The following CCDC85C variants were observed in gnomAD, a reference collection of about 807,000 sequenced individuals.
CCDC85C encodes coiled-coil domain containing 85C.
CCDC85C carries 18 observed loss-of-function variants against 38.3 expected under a neutral mutation model. That is an observed-to-expected ratio of 0.47 (90% CI 0.33 to 0.70). The LOEUF (loss-of-function observed/expected upper bound fraction) is 0.70, where lower values mean the gene tolerates loss of function less well. CCDC85C is among the 30% of genes least tolerant of loss of function. The probability of loss-of-function intolerance (pLI) is 0.03; values close to 1 mark genes in which losing one functional copy is unlikely to be tolerated. For synonymous variants in CCDC85C, 264 were observed against 293.8 expected, an observed-to-expected ratio of 0.90 and a Z score of 1.04; for missense variants, 566 against 621.2, an observed-to-expected ratio of 0.91 and a Z score of 0.94.
rs1386912060 is a variant in CCDC85C, at chr14:99,513,599, T to C, written c.*1647A>G. 6.6e-6 allele frequency: 1 copy of C among 152,250 alleles called. No individual in the cohort carries two copies. The highest frequency in any genetic ancestry group is 2.4e-5 in the African/African-American group (1 of 41,448). 9.4% of individuals were successfully genotyped at this position (152,250 alleles called of 1,614,324 possible). On this transcript the variant is annotated 3_prime_UTR_variant, in exon 6 of 6. Coordinates refer to ENST00000380243, the MANE Select transcript of CCDC85C (RefSeq NM_001144995.2). ...AACTGCTCAGAATAGAGCCGCCAGC[T>C]AGGGAGAGGGACAGGGCGGCCATCT...
At chr14:99,594,764 C>G (rs896856640) in intron 1 of CCDC85C, among the ~76,000 whole-genome samples, 2 of 152,088 alleles carry the variant, frequency 1.3e-5, no homozygotes, top group African/African-American at 4.8e-5. Flanking sequence ...GAGGCACAGA[C>G]TTACACATGG....
Position 99,603,512 on chromosome 14 carries a change from G to C in CCDC85C, c.448C>G (p.Leu150Val), listed in dbSNP as rs768624217. The C allele has an allele frequency of 3.0e-6, 4 of 1,334,282 alleles. No individual in the cohort carries two copies. In the South Asian group the frequency reaches 7.9e-5, roughly 26 times the overall value. 82.7% of individuals were successfully genotyped at this position (1,334,282 alleles called of 1,614,324 possible). Residue 150 changes from leucine to valine, a missense_variant, in exon 1 of 6, where the codon CTG (leucine) becomes GTG (valine). By Grantham distance (32) the Leu-to-Val change is conservative. This residue lies in a region of CCDC85C where 269 missense variants were observed against 308.2 expected (regional missense o/e 0.87). Coordinates refer to ENST00000380243, the MANE Select transcript of CCDC85C (RefSeq NM_001144995.2). The surrounding 1 kb of genome is among the most constrained non-coding windows in gnomAD (Gnocchi z 7.5). ...AGTGCCGCGCGCTCCTCGTCCAGCA[G>C]CAGCACCAGCTCCTTGAGCTCCAGG... ...ENLELKELVL[L>V]LDEERAALAA...
chr14:99,535,774 C>T lies in CCDC85C; in HGVS notation c.867+241G>A, dbSNP rs963833554. On this transcript the variant is annotated intron_variant, in intron 2 of 5. Transcript: ENST00000380243. The surrounding 1 kb of genome is among the most constrained non-coding windows in gnomAD (Gnocchi z 5.5). ...TGGGTGTTGTCCACCCTCTCAGGCC[C>T]TGGGCCAGCCCTGAGGAGCTCGCAT... Among the ~76,000 whole-genome samples, 1 of 152,186 alleles carries T rather than the reference C, an allele frequency of 6.6e-6. No homozygotes were observed. The highest frequency in any genetic ancestry group is 2.4e-5 in the African/African-American group (1 of 41,440).
intron 1 of CCDC85C, among the ~76,000 whole-genome samples, chr14:99,580,473 AG>A (rs1226131303): frequency 2.6e-4 from 3 of 11,358 alleles, no homozygotes; most frequent in East Asian, 2.1e-3. Flanking sequence ...CAGTGAGGGG[AG>A]GGGGGGAAGG....
At chr14:99,517,763 A>AGGGGACCC (rs1897249560) in intron 3 of CCDC85C, among the ~76,000 whole-genome samples, 1 of 152,274 alleles carries the variant, frequency 6.6e-6, no homozygotes, top group East Asian at 1.9e-4. Context: ...CCTCTGTCAG[A>AGGGGACCC]AGCTGCGTGT....
intron 2 of CCDC85C, among the ~76,000 whole-genome samples, chr14:99,534,363 A>T (rs112050718): frequency 0.015 from 2,346 of 152,128 alleles, 61 homozygotes; most frequent in African/African-American, 0.054. Flanking sequence ...TCTCAAAAAA[A>T]AAAAAAGAAA....
chr14:99,534,064 A>G (rs1380146106), intron 2 of CCDC85C, among the ~76,000 whole-genome samples: 1 of 152,158 alleles, frequency 6.6e-6, no homozygotes, highest in Non-Finnish European at 1.5e-5. Flanking sequence ...TCATAGAAAT[A>G]ACACTGCAGG....
At position 99,516,159 on chromosome 14, in the gene CCDC85C, C is replaced by A; in HGVS notation, c.1170+29G>T. 1 of 1,532,618 alleles carries A rather than the reference C, an allele frequency of 6.5e-7. No individual in the cohort carries two copies. Among genetic ancestry groups the A allele is most frequent in the Non-Finnish European group, 8.8e-7 (1 of 1,130,382 alleles). The allele number at this position is 1,532,618 out of a possible 1,614,324, so 94.9% of individuals were successfully genotyped here. ...CCCTGGTCGCACTCCCAGTGCCAAGCCTCTGCCCCCCACCCCTGGAAGCCT... is the reference window on the plus strand; with the variant it reads ...CCCTGGTCGCACTCCCAGTGCCAAGACTCTGCCCCCCACCCCTGGAAGCCT... On this transcript the variant is annotated intron_variant, in intron 5 of 5. Transcript: ENST00000380243. This position sits in a 1 kb window ranked among gnomAD's most constrained non-coding sequence, Gnocchi z 5.5.
chr14:99,551,274 C>T (rs1267275714), intron 1 of CCDC85C, among the ~76,000 whole-genome samples: 2 of 152,164 alleles, frequency 1.3e-5, no homozygotes, highest in Admixed American at 6.5e-5. Context: ...CACCAGTATG[C>T]GCATCCTGCC....
rs1897143155 is a variant in CCDC85C at position 99,512,051 on chromosome 14, C to G, written c.*3195G>C. 1 of 152,230 alleles carries G rather than the reference C, an allele frequency of 6.6e-6. No homozygotes were observed. The highest frequency in any genetic ancestry group is 2.4e-5 in the African/African-American group (1 of 41,450). 9.4% of individuals were successfully genotyped at this position (152,230 alleles called of 1,614,324 possible). On this transcript the variant is annotated 3_prime_UTR_variant, in exon 6 of 6. Transcript: ENST00000380243. ...CCCAGCCAGGAGGCTCACAAAGAGG[C>G]CTTTATTTATCTAGCTCAAAGTAGA...
chr14:99,603,773 G>A lies in CCDC85C; in HGVS notation c.187C>T (p.His63Tyr), dbSNP rs1329463535. 2.6e-6 allele frequency: 4 copies of A among 1,526,002 alleles called. No individual in the cohort carries two copies. The African/African-American group carries it at 5.6e-5, about 21-fold the overall frequency. The allele number at this position is 1,526,002 out of a possible 1,614,324, so 94.5% of individuals were successfully genotyped here. The change falls in exon 1 of 6, where the codon CAC (histidine) becomes TAC (tyrosine). Residue 63 changes from histidine to tyrosine, a missense_variant. By Grantham distance (83) the His-to-Tyr change is moderately conservative (BLOSUM62 2). Around this residue, in one of 3 missense-constraint regions of CCDC85C, gnomAD observed 269 missense variants for 308.2 expected, o/e 0.87. Transcript: ENST00000380243. This position sits in a 1 kb window ranked among gnomAD's most constrained non-coding sequence, Gnocchi z 7.5. ...TTGAGGCCGCGGATCTCCAGCAGGT[G>A]CTGCTGCAGCCGCCGGTTCACGTCG... is the stretch of plus-strand genomic sequence containing the variant. The part of the protein sequence containing the change: ...MRDVNRRLQQ[H>Y]LLEIRGLKDV...
Position 99,517,984 on chromosome 14 carries a change from C to T in CCDC85C, c.976-801G>A, listed in dbSNP as rs188266002. 2.6e-4 allele frequency among the ~76,000 whole-genome samples: 40 copies of T among 152,308 alleles called. No homozygotes were observed. In the East Asian group the frequency reaches 6.9e-3, roughly 26 times the overall value. On this transcript the variant is annotated intron_variant, in intron 3 of 5. Coordinates refer to ENST00000380243, the MANE Select transcript of CCDC85C (RefSeq NM_001144995.2). ...AAAACACCCAGCGGTGCCCTGTGGGCCCTGGAAGCGGGGTTTCCAGGACAT... is the reference window on the plus strand; with the variant it reads ...AAAACACCCAGCGGTGCCCTGTGGGTCCTGGAAGCGGGGTTTCCAGGACAT...
rs2055222462 is a variant in CCDC85C, at chr14:99,603,120, G to A, written c.793+47C>T. On this transcript the variant is annotated intron_variant, in intron 1 of 5. Transcript: ENST00000380243. This position sits in a 1 kb window ranked among gnomAD's most constrained non-coding sequence, Gnocchi z 7.5. Reference sequence around the variant, plus strand: ...TCCTCTCGCCGCAGCCTGGGAAAAGGGCTGCAGCCAGGGAGACCCGCGCTG... The same window carrying A: ...TCCTCTCGCCGCAGCCTGGGAAAAGAGCTGCAGCCAGGGAGACCCGCGCTG... The A allele has an allele frequency of 2.3e-6, 3 of 1,286,740 alleles. No individual in the cohort carries two copies. The highest frequency in any genetic ancestry group is 3.0e-6 in the Non-Finnish European group (3 of 1,016,338). 79.7% of individuals were successfully genotyped at this position (1,286,740 alleles called of 1,614,324 possible).
chr14:99,556,776 C>T (rs1299911080), intron 1 of CCDC85C, among the ~76,000 whole-genome samples: 1 of 152,164 alleles, frequency 6.6e-6, no homozygotes, highest in Non-Finnish European at 1.5e-5. Context: ...ATCCGCCTGC[C>T]TCAGCCTCCC....
At chr14:99,534,313 G>A (rs1391197746) in intron 2 of CCDC85C, among the ~76,000 whole-genome samples, 1 of 151,446 alleles carries the variant, frequency 6.6e-6, no homozygotes, top group African/African-American at 2.4e-5. Flanking sequence ...CTGAGATCAC[G>A]CCATTGTAAT....
At position 99,503,409 on chromosome 14, in the gene CCDC85C, G is replaced by A. The variant is rs1376528814; in HGVS notation, c.*11837C>T. Reference sequence around the variant, plus strand: ...AAAGCTAGTCATTCTGTCTTATTTGGTAAATGGAAAGAGGAAGGGAGCAGA... The same window carrying A: ...AAAGCTAGTCATTCTGTCTTATTTGATAAATGGAAAGAGGAAGGGAGCAGA... On this transcript the variant is annotated 3_prime_UTR_variant, in exon 6 of 6. Coordinates refer to ENST00000380243, the MANE Select transcript of CCDC85C (RefSeq NM_001144995.2). 8.3e-6 allele frequency: 5 copies of A among 605,562 alleles called. No individual in the cohort carries two copies. Among genetic ancestry groups the A allele is most frequent in the African/African-American group, 5.6e-5 (3 of 53,912 alleles). The allele number at this position is 605,562 out of a possible 1,614,324, so 37.5% of individuals were successfully genotyped here. A position where few individuals can be genotyped will look rare whatever the true frequency, so the allele number is the denominator to read the frequency against.
At chr14:99,567,088 G>A (rs11160528) in intron 1 of CCDC85C, among the ~76,000 whole-genome samples, 5,319 of 152,154 alleles carry the variant, frequency 0.035, 315 homozygotes, top group African/African-American at 0.12. Flanking sequence ...CCTCCAACGC[G>A]GCCCATCTCT....
chr14:99,544,580 G>T lies in CCDC85C; in HGVS notation c.794-8492C>A. On this transcript the variant is annotated intron_variant, in intron 1 of 5. Coordinates refer to ENST00000380243, the MANE Select transcript of CCDC85C (RefSeq NM_001144995.2). The surrounding 1 kb of genome is among the most constrained non-coding windows in gnomAD (Gnocchi z 5.3). Reference sequence around the variant, plus strand: ...AGACAACCCACTGAGGCAGGGGATGGGGCTTGGAAGACAGCCTGACTCCCC... The same window carrying T: ...AGACAACCCACTGAGGCAGGGGATGTGGCTTGGAAGACAGCCTGACTCCCC... Among the ~76,000 whole-genome samples, 1 of 151,958 alleles carries T rather than the reference G, an allele frequency of 6.6e-6. No individual in the cohort carries two copies. The highest frequency in any genetic ancestry group is 6.6e-5 in the Admixed American group (1 of 15,264).
At chr14:99,537,535 G>T (rs1897627581) in intron 1 of CCDC85C, among the ~76,000 whole-genome samples, 1 of 152,170 alleles carries the variant, frequency 6.6e-6, no homozygotes, top group Admixed American at 6.5e-5. Context: ...GGCAGGAGCA[G>T]GTACTGGAGC....
Sources: allele counts gnomAD v4.1 joint callset (sites outside exome capture counted in the v4.1 genomes callset), GRCh38; gene constraint gnomAD v4.1.1; regional missense constraint gnomAD v4.1.1; non-coding constraint Gnocchi (gnomAD v3.1); transcripts MANE v1.5; gene names NCBI Gene and HGNC (gene_info 2026-07-23, HGNC 2026-07-21).